The following CCDC148 variants were observed in gnomAD, a reference collection of about 807,000 sequenced individuals.
The protein encoded by CCDC148 is coiled-coil domain containing 148.
A neutral mutation model predicts 85.7 loss-of-function variants in CCDC148; 89 were observed. That is an observed-to-expected ratio of 1.04 (90% CI 0.87 to 1.24). The LOEUF is 1.24. Ranked by LOEUF, CCDC148 falls within the 50% of genes most tolerant of loss-of-function variation. CCDC148 has a pLI of 0.00. For synonymous variants in CCDC148, 230 were observed against 213.9 expected, an observed-to-expected ratio of 1.08 and a Z score of -0.66; for missense variants, 692 against 671.7, an observed-to-expected ratio of 1.03 and a Z score of -0.33.
intron 10 of CCDC148, among the ~76,000 whole-genome samples, chr2:158,248,400 T>C (rs1688656971): frequency 6.6e-6 from 1 of 152,096 alleles, no homozygotes; most frequent in Non-Finnish European, 1.5e-5. Flanking sequence ...ATCATATCAA[T>C]CTCTATTTTA....
At chr2:158,309,752 TG>T in intron 8 of CCDC148, 113 bp from the exon 9 acceptor site, 1 of 799,952 alleles carries the variant, frequency 1.3e-6, no homozygotes, top group East Asian at 2.7e-5. Flanking sequence ...TTTGAAAAAC[TG>T]GGGACAAATA....
intron 10 of CCDC148, among the ~76,000 whole-genome samples, 165 bp downstream of exon 10, chr2:158,250,607 T>A (rs1688750457): frequency 6.6e-6 from 1 of 151,688 alleles, no homozygotes; most frequent in South Asian, 2.1e-4. Context: ...TCAACAAATC[T>A]TTGAAGCTCA....
intron 11 of CCDC148, among the ~76,000 whole-genome samples, chr2:158,210,010 G>C (rs919751806): frequency 6.6e-6 from 1 of 152,138 alleles, no homozygotes; most frequent in Non-Finnish European, 1.5e-5. Context: ...AAAAGACACA[G>C]ACTGGCAAAT....
intron 7 of CCDC148, among the ~76,000 whole-genome samples, chr2:158,327,913 G>C (rs1286063535): frequency 4.6e-5 from 7 of 151,756 alleles, no homozygotes; most frequent in African/African-American, 1.2e-4. Flanking sequence ...TGCAAACTCT[G>C]TTTCTTTCTT....
chr2:158,372,479 C>A (rs952518178), intron 1 of CCDC148, among the ~76,000 whole-genome samples: 1 of 152,038 alleles, frequency 6.6e-6, no homozygotes, highest in African/African-American at 2.4e-5. Flanking sequence ...TATCTTCCTA[C>A]ATGACTTGCC....
intron 9 of CCDC148, among the ~76,000 whole-genome samples, chr2:158,256,181 A>G (rs1340240782): frequency 6.6e-6 from 1 of 151,776 alleles, no homozygotes; most frequent in Non-Finnish European, 1.5e-5. Flanking sequence ...GAGAGCTTGA[A>G]AACAATTTAT....
chr2:158,204,604 C>T (rs1351291516), intron 11 of CCDC148, among the ~76,000 whole-genome samples: 1 of 152,086 alleles, frequency 6.6e-6, no homozygotes, highest in Middle Eastern at 3.2e-3. Flanking sequence ...GTCATCTCAG[C>T]CCAGACGAAA....
At chr2:158,450,157 G>C (rs957171101) in intron 1 of CCDC148, among the ~76,000 whole-genome samples, 1 of 152,106 alleles carries the variant, frequency 6.6e-6, no homozygotes, top group South Asian at 2.1e-4. Flanking sequence ...CAGGCATCAC[G>C]GCTGAAGGAT....
intron 1 of CCDC148, chr2:158,419,809 T>C (rs2105321870): frequency 1.3e-5 from 2 of 152,198 alleles, no homozygotes; most frequent in East Asian, 3.9e-4. Flanking sequence ...TTTGTGAAAA[T>C]ATACAATCTA....
intron 1 of CCDC148, among the ~76,000 whole-genome samples, chr2:158,428,609 T>C (rs930184956): frequency 2.4e-5 from 3 of 123,700 alleles, no homozygotes; most frequent in African/African-American, 5.9e-5. Context: ...CCAGTTAGAA[T>C]GGTGATCATT....
intron 1 of CCDC148, among the ~76,000 whole-genome samples, chr2:158,404,264 C>T (rs866273565): frequency 2.0e-5 from 3 of 151,972 alleles, no homozygotes; most frequent in African/African-American, 7.3e-5. Context: ...GGAAGCGCAC[C>T]CTAACCATGG....
rs202156356 is a variant in CCDC148 at position 158,324,308 on chromosome 2, GA to G, written c.765-10415del. ...TAGATGTAACGCTTTCAGAAGGAAAGAAAAAAAGAAAGTCCATGTTCTATAA... is the reference window on the plus strand; with the variant it reads ...TAGATGTAACGCTTTCAGAAGGAAAGAAAAAAGAAAGTCCATGTTCTATAA... On this transcript the variant is annotated intron_variant, in intron 7 of 13. Coordinates refer to ENST00000283233, the MANE Select transcript of CCDC148 (RefSeq NM_138803.4). Among the ~76,000 whole-genome samples, 13 of 152,000 alleles carry G rather than the reference GA, an allele frequency of 8.6e-5. 2 individuals are homozygous for G. Among genetic ancestry groups the G allele is most frequent in the Admixed American group, 6.5e-4 (10 of 15,270 alleles).
intron 1 of CCDC148, among the ~76,000 whole-genome samples, chr2:158,445,665 C>T (rs549612828): frequency 1.3e-5 from 2 of 152,168 alleles, no homozygotes; most frequent in South Asian, 2.1e-4. Context: ...TCTACTAAAA[C>T]GTTGAAGTCT....
chr2:158,313,736 T>C lies in CCDC148; in HGVS notation c.903+20A>G, dbSNP rs767395811. ...TAAAACAATTTAACTTGCCAGTATG[T>C]AGGTAGGTCCAGTACTCACCAAATC... On this transcript the variant is annotated intron_variant, in intron 8 of 13. Transcript: ENST00000283233. 6.3e-7 allele frequency: 1 copy of C among 1,593,872 alleles called. No individual in the cohort carries two copies. The highest frequency in any genetic ancestry group is 2.3e-5 in the East Asian group (1 of 44,438).
intron 10 of CCDC148, chr2:158,236,139 A>G (rs1476309030): frequency 6.6e-6 from 1 of 152,236 alleles, no homozygotes; most frequent in African/African-American, 2.4e-5. Context: ...TGATGTCTAT[A>G]TGCATAAATA....
chr2:158,277,375 C>A (rs925057679), intron 9 of CCDC148, among the ~76,000 whole-genome samples: 9 of 152,138 alleles, frequency 5.9e-5, no homozygotes, highest in Non-Finnish European at 1.0e-4. Flanking sequence ...TTCACACCTA[C>A]TGAGAATGTT....
chr2:158,365,960 A>G (rs1345978946), intron 1 of CCDC148: 35 of 1,237,530 alleles, frequency 2.8e-5, no homozygotes, highest in Non-Finnish European at 3.6e-5. Context: ...TATCATTTCA[A>G]AAGTACATAA....
chr2:158,277,619 C>T (rs949122012), intron 9 of CCDC148, among the ~76,000 whole-genome samples: 1 of 151,850 alleles, frequency 6.6e-6, no homozygotes, highest in East Asian at 1.9e-4. Context: ...GTTTTTGAGA[C>T]AGAGTCTTGC....
intron 10 of CCDC148, among the ~76,000 whole-genome samples, chr2:158,226,755 G>T (rs1435916509): frequency 6.6e-6 from 1 of 151,838 alleles, no homozygotes; most frequent in Non-Finnish European, 1.5e-5. Flanking sequence ...AAATTCAACA[G>T]CCCTTCATGC....
Sources: gnomAD v4.1 joint callset for allele counts (sites outside exome capture counted in the v4.1 genomes callset) on GRCh38, gnomAD v4.1.1 for gene constraint, MANE v1.5 for transcripts, NCBI Gene and HGNC (gene_info 2026-07-23, HGNC 2026-07-21) for gene names.